Variants in DLGAP1 observed in about 807,000 individuals in gnomAD.
The protein encoded by DLGAP1 is disks large-associated protein 1.
A neutral mutation model predicts 90.8 loss-of-function variants in DLGAP1; 11 were observed. That is an observed-to-expected ratio of 0.12 (90% CI 0.08 to 0.20). DLGAP1 has a LOEUF of 0.20. Ranked by LOEUF, DLGAP1 falls within the 10% of genes least tolerant of loss-of-function variation. DLGAP1 has a pLI of 1.00. For synonymous variants in DLGAP1, 558 were observed against 540.7 expected (o/e 1.03, Z -0.44); for missense variants, 1,050 against 1,333.8 (o/e 0.79, Z 3.31).
chr18:3,670,464 C>T (rs1314371696), intron 7 of DLGAP1, among the ~76,000 whole-genome samples: 4 of 152,330 alleles, frequency 2.6e-5, no homozygotes, highest in East Asian at 1.9e-4. Flanking sequence ...GGACAGCTGT[C>T]TCTCCCATTT....
intron 7 of DLGAP1, chr18:3,679,839 T>A (rs1170473753): frequency 7.5e-6 from 1 of 134,124 alleles, no homozygotes; most frequent in Non-Finnish European, 1.5e-5. Flanking sequence ...TTCTTTTCTT[T>A]CTTTCTTTCT....
intron 1 of DLGAP1, among the ~76,000 whole-genome samples, chr18:4,368,604 C>G (rs1057070887): frequency 1.4e-5 from 2 of 147,322 alleles, no homozygotes; most frequent in Non-Finnish European, 3.0e-5. Flanking sequence ...TCATATGAAC[C>G]AATTCTTTAA....
chr18:4,168,545 A>C (rs1352820957), intron 1 of DLGAP1, among the ~76,000 whole-genome samples: 1 of 151,800 alleles, frequency 6.6e-6, no homozygotes, highest in African/African-American at 2.4e-5. Flanking sequence ...TTAAACCATA[A>C]CTCCACATTC....
At chr18:4,278,844 G>T (rs75790112) in intron 1 of DLGAP1, among the ~76,000 whole-genome samples, 22,571 of 152,076 alleles carry the variant, frequency 0.15, 2,111 homozygotes, top group African/African-American at 0.26. Flanking sequence ...AATAAACATA[G>T]GAATATAGGT....
At chr18:4,181,049 T>G (rs1227545224) in intron 1 of DLGAP1, among the ~76,000 whole-genome samples, 2 of 152,212 alleles carry the variant, frequency 1.3e-5, no homozygotes, top group East Asian at 3.8e-4. Flanking sequence ...CCAAGTTAGA[T>G]AAGAGTGTCT....
At chr18:3,961,313 T>C (rs1173300374) in intron 3 of DLGAP1, among the ~76,000 whole-genome samples, 2 of 152,196 alleles carry the variant, frequency 1.3e-5, no homozygotes, top group African/African-American at 4.8e-5. Context: ...CTTCAAAAGC[T>C]CCCACCTTTT....
chr18:3,858,798 A>T (rs994435836), intron 4 of DLGAP1, among the ~76,000 whole-genome samples: 4 of 152,186 alleles, frequency 2.6e-5, no homozygotes, highest in Non-Finnish European at 5.9e-5. Flanking sequence ...GAGCTTTCAC[A>T]TGATAAACAT....
rs2081206678 is a variant in DLGAP1 at position 4,342,261 on chromosome 18, C to A, written c.-267+112745G>T. On this transcript the variant is annotated intron_variant, in intron 1 of 12. Coordinates refer to ENST00000315677, the MANE Select transcript of DLGAP1 (RefSeq NM_004746.4). The surrounding 1 kb of genome is among the most constrained non-coding windows in gnomAD (Gnocchi z 5.8). ...TACAACAGAGCCCCTGAACTTGATT[C>A]TGCTTGCATTTTAATGGTAGGCGAG... 6.6e-6 allele frequency among the ~76,000 whole-genome samples: 1 copy of A among 152,026 alleles called. No individual in the cohort carries two copies. Among genetic ancestry groups the A allele is most frequent in the African/African-American group, 2.4e-5 (1 of 41,368 alleles).
At chr18:4,146,790 T>C (rs1402969862) in intron 2 of DLGAP1, among the ~76,000 whole-genome samples, 1 of 152,174 alleles carries the variant, frequency 6.6e-6, no homozygotes, top group Non-Finnish European at 1.5e-5. Context: ...AATATATGAT[T>C]ACAGGCTTTT....
At chr18:3,673,734 C>T (rs576860046) in intron 7 of DLGAP1, among the ~76,000 whole-genome samples, 13 of 151,150 alleles carry the variant, frequency 8.6e-5, no homozygotes, top group South Asian at 4.2e-4. Context: ...TTAGTAGAGA[C>T]GGGGTTTCAC....
At chr18:4,061,955 A>C (rs1395578472) in intron 2 of DLGAP1, among the ~76,000 whole-genome samples, 1 of 152,156 alleles carries the variant, frequency 6.6e-6, no homozygotes, top group Non-Finnish European at 1.5e-5. Flanking sequence ...ATAACTTTAG[A>C]GATTGTGACA....
intron 10 of DLGAP1, among the ~76,000 whole-genome samples, chr18:3,532,064 A>C (rs1398424715): frequency 6.6e-6 from 1 of 151,816 alleles, no homozygotes; most frequent in East Asian, 2.0e-4. Context: ...CATATTGGCT[A>C]TGCTGGTCTT....
chr18:4,313,921 G>T (rs984424289), intron 1 of DLGAP1, among the ~76,000 whole-genome samples: 1 of 152,168 alleles, frequency 6.6e-6, no homozygotes, highest in African/African-American at 2.4e-5. Context: ...GTGCAGCCCA[G>T]GGGAAATGTC....
intron 1 of DLGAP1, among the ~76,000 whole-genome samples, chr18:4,346,319 A>G (rs1289602562): frequency 3.3e-5 from 5 of 152,142 alleles, no homozygotes; most frequent in African/African-American, 1.2e-4. Context: ...ATTTGGACCT[A>G]TCGTATTTAA....
intron 1 of DLGAP1, among the ~76,000 whole-genome samples, chr18:4,194,154 C>T (rs1324565563): frequency 6.6e-6 from 1 of 152,022 alleles, no homozygotes; most frequent in Non-Finnish European, 1.5e-5. Context: ...TCAACTTTGC[C>T]CCATTCCCTT....
chr18:4,282,062 T>C (rs1434566016), intron 1 of DLGAP1, among the ~76,000 whole-genome samples: 1 of 152,178 alleles, frequency 6.6e-6, no homozygotes, highest in Non-Finnish European at 1.5e-5. Flanking sequence ...TGATAATGTT[T>C]TCATTAAAAG....
chr18:3,765,675 A>G (rs555670640), intron 5 of DLGAP1, among the ~76,000 whole-genome samples: 14 of 152,028 alleles, frequency 9.2e-5, no homozygotes, highest in Admixed American at 3.9e-4. Context: ...TCTATTAAAA[A>G]TACAAAAAAT....
At chr18:3,509,972 C>T (rs1356897413) in intron 10 of DLGAP1, among the ~76,000 whole-genome samples, 6 of 152,186 alleles carry the variant, frequency 3.9e-5, no homozygotes, top group Non-Finnish European at 7.3e-5. Flanking sequence ...TTGCCCCCTC[C>T]CTCCGTGATC....
At chr18:4,315,658 G>A (rs769584931) in intron 1 of DLGAP1, among the ~76,000 whole-genome samples, 10 of 152,158 alleles carry the variant, frequency 6.6e-5, no homozygotes, top group Non-Finnish European at 1.3e-4. Context: ...TTGAAATACA[G>A]TGTTTTGCAA....
Sources: gnomAD v4.1 joint callset for allele counts (sites outside exome capture counted in the v4.1 genomes callset) on GRCh38, gnomAD v4.1.1 for gene constraint, Gnocchi (gnomAD v3.1) non-coding constraint, MANE v1.5 for transcripts, NCBI Gene and HGNC (gene_info 2026-07-23, HGNC 2026-07-21) for gene names.